Variants in LRR1 observed in about 807,000 individuals in gnomAD.
LRR1 encodes leucine-rich repeat protein 1.
In LRR1, 29 loss-of-function variants were observed where a neutral mutation model predicts 31.6. That is an observed-to-expected ratio of 0.92 (90% confidence interval 0.68 to 1.25). The LOEUF is 1.25. Among genes scored for constraint, LRR1 ranks in the 50% most tolerant of loss-of-function variants. The pLI, the probability that LRR1 is intolerant of heterozygous loss-of-function variation, is 0.00. For missense variants in LRR1, 485 were observed against 487.2 expected, an observed-to-expected ratio of 1.00 and a Z score of 0.04; for synonymous variants, 179 against 181.4, an observed-to-expected ratio of 0.99 and a Z score of 0.10.
chr14:49,602,426 T>C lies in LRR1; in HGVS notation c.240T>C (p.Thr80=), dbSNP rs147775966. The part of the protein sequence containing the change: ...FTKFVDEGKA[T]VRLKEPPVDI... ...AATTTGTAGATGAGGGGAAAGCCAC[T>C]GTTCGGTTAAAGGAGCCTCCTGTGG... The change falls in exon 2 of 4, where the codon ACT becomes ACC. Residue 80 remains threonine (T), a synonymous_variant. Transcript: ENST00000298288. 6.2e-7 allele frequency: 1 copy of C among 1,613,912 alleles called. No individual in the cohort carries two copies. Among genetic ancestry groups the C allele is most frequent in the African/African-American group, 1.3e-5 (1 of 74,908 alleles).
At chr14:49,602,923 T>TGC (rs1882121239) in intron 2 of LRR1, among the ~76,000 whole-genome samples, 1 of 151,746 alleles carries the variant, frequency 6.6e-6, no homozygotes, top group Non-Finnish European at 1.5e-5. Context: ...GCAACCTCCA[T>TGC]CTCCCGGGTT....
Position 49,599,070 on chromosome 14 carries a change from T to C in LRR1, c.50T>C (p.Leu17Ser). 3.1e-6 allele frequency: 5 copies of C among 1,609,824 alleles called. No individual in the cohort carries two copies. Among genetic ancestry groups the C allele is most frequent in the Non-Finnish European group, 4.2e-6 (5 of 1,178,226 alleles). Residue 17 changes from leucine to serine, a missense_variant, in exon 1 of 4, where the codon TTG (leucine) becomes TCG (serine). Leu to Ser is a moderately radical substitution (Grantham distance 145, BLOSUM62 -2). Around this residue, in one of 3 missense-constraint regions of LRR1, gnomAD observed 260 missense variants for 249.6 expected, o/e 1.04. Transcript: ENST00000298288. ...VEVISRHLPALGLRNRGKGVR... is the reference protein window; with the variant it reads ...VEVISRHLPASGLRNRGKGVR... ...GTGATCAGCCGGCACTTGCCCGCCT[T>C]GGGGCTTAGGAACCGGGGCAAGGGC...
At chr14:49,612,023 G>A (rs1354241081) in intron 3 of LRR1, among the ~76,000 whole-genome samples, 1 of 151,990 alleles carries the variant, frequency 6.6e-6, no homozygotes, top group Non-Finnish European at 1.5e-5. Context: ...GATTTGAAAA[G>A]ATTATAACAA....
intron 3 of LRR1, among the ~76,000 whole-genome samples, chr14:49,610,481 C>G (rs941166277): frequency 7.2e-5 from 11 of 151,968 alleles, no homozygotes; most frequent in African/African-American, 2.4e-4. Flanking sequence ...TTTTGAACTC[C>G]TGGCCTCAAG....
At chr14:49,612,992 G>C (rs975740718) in intron 3 of LRR1, among the ~76,000 whole-genome samples, 7 of 152,106 alleles carry the variant, frequency 4.6e-5, no homozygotes, top group Non-Finnish European at 8.8e-5. Flanking sequence ...TTGAGGTCAG[G>C]AGTTCAAGAC....
At chr14:49,600,642 T>C in intron 1 of LRR1, 1 of 1,458,252 alleles carries the variant, frequency 6.9e-7, no homozygotes, top group Non-Finnish European at 9.3e-7. Context: ...AAGGAAACTG[T>C]CCATTTCTCT....
intron 1 of LRR1, chr14:49,601,670 A>C: frequency 7.8e-7 from 1 of 1,289,514 alleles, no homozygotes; most frequent in Non-Finnish European, 1.0e-6. Flanking sequence ...GCTATTGGCA[A>C]CTCTTCCTAC....
At chr14:49,610,207 G>C (rs999495994) in intron 3 of LRR1, among the ~76,000 whole-genome samples, 1 of 151,274 alleles carries the variant, frequency 6.6e-6, no homozygotes, top group Non-Finnish European at 1.5e-5. Context: ...AACTGCATTT[G>C]GTTTCATGGA....
chr14:49,612,448 C>CT, intron 3 of LRR1: 3 of 1,202,250 alleles, frequency 2.5e-6, no homozygotes, highest in Non-Finnish European at 3.2e-6. Flanking sequence ...CAGTTTTTAA[C>CT]TGTTGTCTGT....
At chr14:49,600,688 C>T (rs1882021911) in intron 1 of LRR1, 2 of 1,233,094 alleles carry the variant, frequency 1.6e-6, no homozygotes, top group Admixed American at 2.4e-5. Flanking sequence ...TATACCCAGA[C>T]CTTTTATAGG....
intron 2 of LRR1, among the ~76,000 whole-genome samples, chr14:49,606,982 T>C (rs766418134): frequency 6.6e-6 from 1 of 152,040 alleles, no homozygotes; most frequent in Non-Finnish European, 1.5e-5. Flanking sequence ...AGTGGAATAG[T>C]CAATCATTTC....
At chr14:49,607,268 G>T in intron 2 of LRR1, 132 bp from the exon 3 acceptor site, 1 of 1,047,312 alleles carries the variant, frequency 9.5e-7, no homozygotes, top group South Asian at 2.5e-5. Flanking sequence ...CTAAAAAAAA[G>T]TTTTACAGTC....
intron 3 of LRR1, among the ~76,000 whole-genome samples, chr14:49,609,000 G>A (rs1308780346): frequency 2.3e-5 from 3 of 130,732 alleles, no homozygotes; most frequent in South Asian, 2.6e-4. Context: ...TGCAAGCTCC[G>A]CCTTCCAGGT....
chr14:49,602,517 A>T (rs766366024), intron 2 of LRR1, 49 bp downstream of exon 2: 2 of 1,494,488 alleles, frequency 1.3e-6, no homozygotes, highest in Non-Finnish European at 1.9e-6. Context: ...TATTTTCTTT[A>T]TTTTTTAGAA....
chr14:49,606,282 C>T (rs748978260), intron 2 of LRR1, among the ~76,000 whole-genome samples: 1 of 152,226 alleles, frequency 6.6e-6, no homozygotes, highest in East Asian at 1.9e-4. Flanking sequence ...CCACCTTGGC[C>T]TCCCAAAGTG....
At chr14:49,601,857 G>A (rs142444201) in intron 1 of LRR1, among the ~76,000 whole-genome samples, 3,655 of 146,500 alleles carry the variant, frequency 0.025, 50 homozygotes, top group Non-Finnish European at 0.037. Context: ...ACTTGGCCAC[G>A]CGCCGTGGCT....
chr14:49,603,859 A>G (rs1312612008), intron 2 of LRR1, among the ~76,000 whole-genome samples: 2 of 150,968 alleles, frequency 1.3e-5, no homozygotes, highest in African/African-American at 4.9e-5. Context: ...TGCCCAGCTA[A>G]TTTTTTGTAT....
chr14:49,601,619 C>T (rs1490488616), intron 1 of LRR1: 12 of 1,289,520 alleles, frequency 9.3e-6, no homozygotes, highest in Non-Finnish European at 1.2e-5. Context: ...GAGGTGTGCC[C>T]ACCCCAGGCT....
intron 2 of LRR1, among the ~76,000 whole-genome samples, chr14:49,604,003 T>TA (rs1882189955): frequency 6.6e-6 from 1 of 151,052 alleles, no homozygotes; most frequent in Non-Finnish European, 1.5e-5. Context: ...TAATCATTCT[T>TA]ATAAAAATAT....
Sources: gnomAD v4.1 joint callset for allele counts (sites outside exome capture counted in the v4.1 genomes callset) on GRCh38, gnomAD v4.1.1 for gene constraint, gnomAD v4.1.1 regional missense constraint, MANE v1.5 for transcripts, NCBI Gene and HGNC (gene_info 2026-07-23, HGNC 2026-07-21) for gene names.